ZFHX3: variants seen among roughly 807,000 people sequenced by gnomAD.
ZFHX3 encodes the protein zinc finger homeobox protein 3.
In ZFHX3, 42 loss-of-function variants were observed where a neutral mutation model predicts 279.1. The observed-to-expected ratio is 0.15, with a 90% confidence interval of 0.12 to 0.19. The LOEUF (loss-of-function observed/expected upper bound fraction) is 0.19, where lower values mean the gene tolerates loss of function less well. ZFHX3 is among the 10% of genes least tolerant of loss of function. ZFHX3 has a pLI of 1.00. For synonymous variants in ZFHX3, 2,293 were observed against 1,957.8 expected (o/e 1.17, Z -4.52); for missense variants, 4,981 against 4,754.0 (o/e 1.05, Z -1.40).
chr16:73,536,165 G>A (rs145357782), intron 2 of ZFHX3, among the ~76,000 whole-genome samples: 31 of 152,274 alleles, frequency 2.0e-4, no homozygotes, highest in Non-Finnish European at 3.1e-4. Flanking sequence ...CAGGCACACC[G>A]ATTACTTGAT....
At chr16:73,632,092 T>G (rs912111449) in intron 2 of ZFHX3, among the ~76,000 whole-genome samples, 5 of 152,316 alleles carry the variant, frequency 3.3e-5, no homozygotes, top group Admixed American at 6.5e-5. Flanking sequence ...CTAGGACAGA[T>G]TATCAAAAGA....
At chr16:73,238,604 G>A (rs547358801) in intron 5 of ZFHX3, among the ~76,000 whole-genome samples, 3 of 152,018 alleles carry the variant, frequency 2.0e-5, no homozygotes, top group Admixed American at 6.6e-5. Context: ...TGCCTTCTCT[G>A]TACTATGTCT....
intron 3 of ZFHX3, among the ~76,000 whole-genome samples, chr16:73,438,095 CA>C (rs992945153): frequency 3.3e-5 from 5 of 151,790 alleles, no homozygotes; most frequent in African/African-American, 1.2e-4. Context: ...AAAAAAATGG[CA>C]AATGTGGGTC....
intron 3 of ZFHX3, among the ~76,000 whole-genome samples, chr16:72,904,233 G>A (rs2039111296): frequency 1.3e-5 from 2 of 151,996 alleles, no homozygotes; most frequent in South Asian, 4.2e-4. Flanking sequence ...GGGCGTGGTG[G>A]CAGGCTCCTA....
chr16:73,045,765 T>C (rs1402323893), intron 1 of ZFHX3, among the ~76,000 whole-genome samples: 1 of 139,934 alleles, frequency 7.1e-6, no homozygotes, highest in Admixed American at 7.2e-5. Flanking sequence ...GTAGCTCTAT[T>C]TCATAGAAAG....
intron 3 of ZFHX3, among the ~76,000 whole-genome samples, chr16:73,398,768 A>G (rs973515413): frequency 2.0e-5 from 3 of 152,188 alleles, no homozygotes; most frequent in Admixed American, 6.5e-5. Context: ...TGATGGCATG[A>G]TCCCATTGTC....
chr16:72,874,037 C>G (rs1032025916), intron 4 of ZFHX3, among the ~76,000 whole-genome samples: 3 of 151,998 alleles, frequency 2.0e-5, no homozygotes, highest in African/African-American at 7.3e-5. Flanking sequence ...GTCTGTTGTG[C>G]CCGAGGACAG....
intron 7 of ZFHX3, chr16:73,127,560 C>A: frequency 7.7e-7 from 1 of 1,305,380 alleles, no homozygotes; most frequent in East Asian, 5.5e-5. Context: ...CTCAGCCGAG[C>A]TGACTGGGGC....
chr16:73,029,001 T>C (rs774496945), intron 1 of ZFHX3, among the ~76,000 whole-genome samples: 3 of 152,152 alleles, frequency 2.0e-5, no homozygotes, highest in African/African-American at 7.2e-5. Flanking sequence ...CCCAGCCTCC[T>C]GAGGTTTCTG....
intron 7 of ZFHX3, among the ~76,000 whole-genome samples, chr16:72,801,016 T>C (rs988474816): frequency 6.6e-6 from 1 of 152,240 alleles, no homozygotes; most frequent in Non-Finnish European, 1.5e-5. Flanking sequence ...CAAGTTATCA[T>C]TTGCCTTATG....
chr16:72,889,713 G>GC lies in ZFHX3; in HGVS notation c.3448+17dup, dbSNP rs1044971122. On this transcript the variant is annotated intron_variant, in intron 4 of 9. Coordinates refer to ENST00000268489, the MANE Select transcript of ZFHX3 (RefSeq NM_006885.4). ...CCCAGGCCCAACCTGGGCCTCCCAT[G>GC]CCTGTGAGACCACTCACCTGGGTCC... The GC allele has an allele frequency of 6.2e-7, 1 of 1,609,714 alleles. No individual in the cohort carries two copies. The highest frequency in any genetic ancestry group is 1.7e-5 in the Admixed American group (1 of 59,832).
intron 1 of ZFHX3, among the ~76,000 whole-genome samples, chr16:73,696,518 T>C (rs1225021859): frequency 1.3e-5 from 2 of 152,324 alleles, no homozygotes; most frequent in African/African-American, 4.8e-5. Flanking sequence ...AAAGATATAT[T>C]AAGCTATCTC....
chr16:73,874,685 G>A (rs913575654), intron 1 of ZFHX3, among the ~76,000 whole-genome samples: 4 of 152,148 alleles, frequency 2.6e-5, no homozygotes, highest in African/African-American at 4.8e-5. Context: ...ACCTGTTTGT[G>A]TTTGAATATA....
chr16:73,485,189 T>C (rs8044612), intron 2 of ZFHX3, among the ~76,000 whole-genome samples: 89,470 of 151,666 alleles, frequency 0.59, 28,937 homozygotes, highest in East Asian at 0.97. Flanking sequence ...AACGGCAACT[T>C]GCTTGCACAA....
intron 1 of ZFHX3, among the ~76,000 whole-genome samples, chr16:73,786,220 G>C (rs533299142): frequency 1.3e-5 from 2 of 151,862 alleles, no homozygotes; most frequent in Non-Finnish European, 2.9e-5. Context: ...CATGGATGTG[G>C]CCTCTTCCTT....
intron 2 of ZFHX3, among the ~76,000 whole-genome samples, chr16:73,677,131 T>C (rs1054560585): frequency 2.0e-5 from 3 of 151,998 alleles, no homozygotes; most frequent in African/African-American, 7.2e-5. Flanking sequence ...TTTCCAAAGA[T>C]GTTTATACAT....
intron 2 of ZFHX3, among the ~76,000 whole-genome samples, chr16:73,643,699 G>A (rs1234036838): frequency 6.6e-6 from 1 of 152,200 alleles, no homozygotes; most frequent in African/African-American, 2.4e-5. Flanking sequence ...AGTTGAGGGA[G>A]TGTTTCTTAC....
chr16:72,932,735 C>G (rs1959890065), intron 3 of ZFHX3, among the ~76,000 whole-genome samples: 1 of 150,590 alleles, frequency 6.6e-6, no homozygotes, highest in African/African-American at 2.4e-5. Flanking sequence ...TAATTAAAAC[C>G]AAATTATAAA....
chr16:73,350,510 C>T (rs1001227937), intron 3 of ZFHX3, among the ~76,000 whole-genome samples: 2 of 152,186 alleles, frequency 1.3e-5, no homozygotes, highest in African/African-American at 2.4e-5. Flanking sequence ...ACTTGGGATT[C>T]CCTGGACTCC....
Sources: allele counts gnomAD v4.1 joint callset (sites outside exome capture counted in the v4.1 genomes callset), GRCh38; gene constraint gnomAD v4.1.1; transcripts MANE v1.5; gene names NCBI Gene and HGNC (gene_info 2026-07-23, HGNC 2026-07-21).